The following PARD3B variants were observed in gnomAD, a reference collection of about 807,000 sequenced individuals.
PARD3B encodes par-3 family cell polarity regulator beta.
Under a neutral mutation model 130.2 loss-of-function variants are expected in PARD3B, and 103 were observed. That is an observed-to-expected ratio of 0.79 (90% CI 0.67 to 0.93). PARD3B has a LOEUF of 0.93. PARD3B is among the 40% of genes least tolerant of loss of function. The pLI, the probability that PARD3B is intolerant of heterozygous loss-of-function variation, is 0.00. For synonymous variants in PARD3B, 583 were observed against 553.2 expected, an observed-to-expected ratio of 1.05 and a Z score of -0.76; for missense variants, 1,609 against 1,499.2, an observed-to-expected ratio of 1.07 and a Z score of -1.21.
At chr2:205,404,052 A>C (rs1011461994) in intron 19 of PARD3B, among the ~76,000 whole-genome samples, 2 of 152,234 alleles carry the variant, frequency 1.3e-5, no homozygotes, top group African/African-American at 4.8e-5. Flanking sequence ...AAACATAAAA[A>C]GTATAAAAAC....
At chr2:204,932,292 C>T (rs1688089931) in intron 2 of PARD3B, among the ~76,000 whole-genome samples, 1 of 152,074 alleles carries the variant, frequency 6.6e-6, no homozygotes, top group African/African-American at 2.4e-5. Context: ...AGTTAGTATT[C>T]TCTACTTCTG....
intron 2 of PARD3B, among the ~76,000 whole-genome samples, chr2:204,804,623 A>G (rs1282195586): frequency 2.6e-5 from 4 of 152,220 alleles, no homozygotes; most frequent in Non-Finnish European, 4.4e-5. Flanking sequence ...AATCTGCACT[A>G]TAGAACAAAT....
Position 205,224,205 on chromosome 2 carries a change from C to T in PARD3B, c.2141-21573C>T, listed in dbSNP as rs796978306. On this transcript the variant is annotated intron_variant, in intron 15 of 22. Coordinates refer to ENST00000406610, the MANE Select transcript of PARD3B (RefSeq NM_001302769.2). ...GAACATGGTTGAAACCCCGTCTCTACTAAAAATACAAAAAAATTAGCCGGG... is the reference window on the plus strand; with the variant it reads ...GAACATGGTTGAAACCCCGTCTCTATTAAAAATACAAAAAAATTAGCCGGG... 6.0e-5 allele frequency among the ~76,000 whole-genome samples: 9 copies of T among 148,988 alleles called. No individual in the cohort carries two copies. The East Asian group carries it at 1.4e-3, about 23-fold the overall frequency.
intron 2 of PARD3B, among the ~76,000 whole-genome samples, chr2:204,934,520 A>T (rs1442631794): frequency 6.6e-6 from 1 of 152,224 alleles, no homozygotes; most frequent in East Asian, 1.9e-4. Context: ...AATTACACTC[A>T]GTGACGTGTC....
intron 2 of PARD3B, among the ~76,000 whole-genome samples, chr2:204,712,872 T>G (rs971892987): frequency 2.6e-5 from 4 of 152,164 alleles, no homozygotes; most frequent in African/African-American, 7.2e-5. Flanking sequence ...TATAGAATAT[T>G]CCATATGTAT....
intron 2 of PARD3B, among the ~76,000 whole-genome samples, chr2:204,752,785 C>T (rs1468769402): frequency 1.3e-5 from 2 of 152,054 alleles, no homozygotes; most frequent in Non-Finnish European, 2.9e-5. Context: ...AACATCTTGA[C>T]CATGTACAAT....
In PARD3B at chr2:205,364,644, T is replaced by G. The variant is rs1419666490; in HGVS notation, c.2631-36369T>G. On this transcript the variant is annotated intron_variant, in intron 18 of 22. Transcript: ENST00000406610. ...TTACAAGGCAGGGTGTGATTTTTAT[T>G]GACAATTGGAGTATGCTTAAATGAA... Among the ~76,000 whole-genome samples the G allele has an allele frequency of 2.0e-5, 3 of 152,168 alleles. No homozygotes were observed. In the East Asian group the frequency reaches 5.8e-4, roughly 29 times the overall value.
intron 2 of PARD3B, among the ~76,000 whole-genome samples, chr2:204,919,231 G>A (rs1330855140): frequency 6.6e-6 from 1 of 152,056 alleles, no homozygotes; most frequent in African/African-American, 2.4e-5. Flanking sequence ...ATTAGCAAGA[G>A]TTTCATATTA....
chr2:205,402,783 C>T (rs1475006739), intron 19 of PARD3B, among the ~76,000 whole-genome samples: 1 of 152,200 alleles, frequency 6.6e-6, no homozygotes, highest in Non-Finnish European at 1.5e-5. Flanking sequence ...TTAGCCTCCA[C>T]TTAGGCCACT....
chr2:205,559,939 G>A (rs769666762), intron 22 of PARD3B, among the ~76,000 whole-genome samples: 1 of 152,096 alleles, frequency 6.6e-6, no homozygotes, highest in Non-Finnish European at 1.5e-5. Context: ...CACTTACTAT[G>A]TACAAGACAC....
At chr2:205,365,070 G>A (rs948102122) in intron 18 of PARD3B, among the ~76,000 whole-genome samples, 4 of 151,872 alleles carry the variant, frequency 2.6e-5, no homozygotes, top group Non-Finnish European at 5.9e-5. Context: ...CATGGTGGCA[G>A]GCGCCTGTAA....
intron 1 of PARD3B, among the ~76,000 whole-genome samples, chr2:204,603,481 A>C (rs1203471491): frequency 6.6e-6 from 1 of 152,168 alleles, no homozygotes; most frequent in Non-Finnish European, 1.5e-5. Context: ...AGTCAGTGGA[A>C]ATTGTTTGGA....
chr2:205,368,508 T>G (rs2044690613), intron 18 of PARD3B, among the ~76,000 whole-genome samples: 1 of 152,046 alleles, frequency 6.6e-6, no homozygotes, highest in Non-Finnish European at 1.5e-5. Flanking sequence ...GGTGCACACC[T>G]GTAATCCCAG....
At chr2:205,162,529 C>T (rs1269048551) in intron 11 of PARD3B, among the ~76,000 whole-genome samples, 2 of 152,162 alleles carry the variant, frequency 1.3e-5, no homozygotes, top group South Asian at 2.1e-4. Context: ...TCTTCCTGGG[C>T]GTTTGCCCCT....
chr2:205,578,751 A>G (rs189303970), intron 22 of PARD3B, among the ~76,000 whole-genome samples: 16 of 152,354 alleles, frequency 1.1e-4, no homozygotes, highest in East Asian at 5.8e-4. Context: ...GTCAAAATCT[A>G]TGTCATTATT....
At chr2:205,293,259 A>T (rs928982410) in intron 16 of PARD3B, among the ~76,000 whole-genome samples, 33 of 152,208 alleles carry the variant, frequency 2.2e-4, no homozygotes, top group Non-Finnish European at 1.2e-4. Flanking sequence ...GGAAACATTA[A>T]AATTCTTTAT....
intron 3 of PARD3B, among the ~76,000 whole-genome samples, chr2:205,017,906 G>T (rs1457754346): frequency 6.6e-6 from 1 of 152,144 alleles, no homozygotes; most frequent in African/African-American, 2.4e-5. Context: ...AGTATAAGCA[G>T]AGGTGATGTT....
At chr2:205,090,454 C>G (rs1043464605) in intron 4 of PARD3B, among the ~76,000 whole-genome samples, 2 of 152,168 alleles carry the variant, frequency 1.3e-5, no homozygotes, top group Non-Finnish European at 2.9e-5. Flanking sequence ...CAGGAAAGAT[C>G]CAAATATTTA....
chr2:204,934,550 C>A (rs1466794150), intron 2 of PARD3B, among the ~76,000 whole-genome samples: 1 of 152,062 alleles, frequency 6.6e-6, no homozygotes, highest in Non-Finnish European at 1.5e-5. Context: ...AGCAGATATG[C>A]CTCTTTATGC....
Sources: gnomAD v4.1 joint callset for allele counts (sites outside exome capture counted in the v4.1 genomes callset) on GRCh38, gnomAD v4.1.1 for gene constraint, MANE v1.5 for transcripts, NCBI Gene and HGNC (gene_info 2026-07-23, HGNC 2026-07-21) for gene names.